Variants in TMTC1 observed in about 807,000 individuals in gnomAD.
TMTC1 encodes the protein transmembrane O-mannosyltransferase targeting cadherins 1.
TMTC1 carries 73 observed loss-of-function variants against 104.8 expected under a neutral mutation model. The ratio of observed to expected loss-of-function variants is 0.70; its 90% CI spans 0.58 to 0.85. The LOEUF is 0.85. TMTC1 is among the 40% of genes least tolerant of loss of function. The pLI is 0.00. For synonymous variants in TMTC1, 434 were observed against 428.7 expected, an observed-to-expected ratio of 1.01 and a Z score of -0.15; for missense variants, 1,035 against 1,096.1, an observed-to-expected ratio of 0.94 and a Z score of 0.79.
At chr12:29,572,625 C>A (rs1020575206) in intron 8 of TMTC1, among the ~76,000 whole-genome samples, 4 of 152,176 alleles carry the variant, frequency 2.6e-5, no homozygotes, top group Non-Finnish European at 4.4e-5. Context: ...GAGACACACA[C>A]AACCTTGCAA....
chr12:29,699,649 C>CTT (rs71444337), intron 5 of TMTC1, among the ~76,000 whole-genome samples: 201 of 86,866 alleles, frequency 2.3e-3, no homozygotes, highest in African/African-American at 5.0e-3. Flanking sequence ...TCATCTGGTG[C>CTT]TTTTTTTTTT....
intron 5 of TMTC1, among the ~76,000 whole-genome samples, chr12:29,653,662 CAG>C (rs1172172522): frequency 3.9e-5 from 6 of 152,164 alleles, no homozygotes; most frequent in Admixed American, 3.9e-4. Context: ...AGTTATTGGT[CAG>C]TCACAAAGAA....
In TMTC1 at chr12:29,709,210, T is replaced by C. The variant is rs555145740; in HGVS notation, c.938+42456A>G. ...AAAGTTTCAGAGATTGGCAACAGTGTTGCAGTGGGGTGATGTTGTCAGACT... is the reference window on the plus strand; with the variant it reads ...AAAGTTTCAGAGATTGGCAACAGTGCTGCAGTGGGGTGATGTTGTCAGACT... On this transcript the variant is annotated intron_variant, in intron 5 of 17. Transcript: ENST00000539277. 9.2e-5 allele frequency among the ~76,000 whole-genome samples: 14 copies of C among 152,316 alleles called. No homozygotes were observed. The South Asian group carries it at 2.9e-3, about 32-fold the overall frequency.
chr12:29,758,344 A>G (rs1192801083), intron 3 of TMTC1, among the ~76,000 whole-genome samples: 2 of 152,220 alleles, frequency 1.3e-5, no homozygotes, highest in South Asian at 2.1e-4. Context: ...AAAAGGAAAA[A>G]TTAAGCAAAT....
intron 5 of TMTC1, among the ~76,000 whole-genome samples, chr12:29,704,421 G>T (rs1045562459): frequency 6.6e-6 from 1 of 152,150 alleles, no homozygotes; most frequent in African/African-American, 2.4e-5. Context: ...TGCATCTTGG[G>T]GGCATAGGCA....
In TMTC1 at chr12:29,751,705, C is replaced by T. The variant is rs1265719628; in HGVS notation, c.899G>A (p.Gly300Glu). The T allele has an allele frequency of 6.2e-7, 1 of 1,614,108 alleles. No homozygotes were observed. Among genetic ancestry groups the T allele is most frequent in the African/African-American group, 1.3e-5 (1 of 75,010 alleles). Residue 300 changes from glycine to glutamate, a missense_variant, in exon 5 of 18, where the codon GGA becomes GAA. Transcript: ENST00000539277. ...SPLPPEPKSS[G>E]FPVSPRAVWS... ...CACAGCTCGTGGGGACACTGGGAAT[C>T]CACTGCTCTTGGGTTCTGGTGGCAG...
At chr12:29,520,554 C>T in intron 12 of TMTC1, 64 bp downstream of exon 12, 1 of 1,385,174 alleles carries the variant, frequency 7.2e-7, no homozygotes, top group South Asian at 1.2e-5. Flanking sequence ...ATTTGCCTTC[C>T]ATTTTGCTTG....
intron 5 of TMTC1, among the ~76,000 whole-genome samples, chr12:29,749,351 TTTC>T (rs1012879797): frequency 2.0e-5 from 3 of 152,164 alleles, no homozygotes; most frequent in Non-Finnish European, 2.9e-5. Context: ...TTTCCAACAC[TTTC>T]TTATCATCCA....
At chr12:29,609,205 A>G (rs570820693) in intron 6 of TMTC1, among the ~76,000 whole-genome samples, 1 of 152,280 alleles carries the variant, frequency 6.6e-6, no homozygotes, top group East Asian at 1.9e-4. Context: ...TAAGTATTGC[A>G]TAGTTATATT....
intron 5 of TMTC1, among the ~76,000 whole-genome samples, chr12:29,748,762 G>A (rs992954333): frequency 6.6e-6 from 1 of 152,186 alleles, no homozygotes; most frequent in Non-Finnish European, 1.5e-5. Flanking sequence ...GGAACTGGCT[G>A]ACACTGGTTT....
chr12:29,580,960 T>C (rs1475696749), intron 8 of TMTC1, among the ~76,000 whole-genome samples: 5 of 152,182 alleles, frequency 3.3e-5, no homozygotes, highest in Admixed American at 1.3e-4. Context: ...TACACAGCGT[T>C]TCTCAAATGC....
In TMTC1 at chr12:29,725,124, TCTC is replaced by T. The variant is rs1942351092; in HGVS notation, c.938+26539_938+26541del. Among the ~76,000 whole-genome samples the T allele has an allele frequency of 2.7e-5, 4 of 145,820 alleles. No homozygotes were observed. The South Asian group carries it at 6.7e-4, about 25-fold the overall frequency. On this transcript the variant is annotated intron_variant, in intron 5 of 17. Transcript: ENST00000539277. Reference sequence around the variant, plus strand: ...TAACCTCCTCATGGGTTCAAGCAATTCTCCTGCCTCAGCCTCCCGAATAGCTGG... The same window carrying T: ...TAACCTCCTCATGGGTTCAAGCAATTCTGCCTCAGCCTCCCGAATAGCTGG...
chr12:29,511,968 C>A, intron 17 of TMTC1, 75 bp downstream of exon 17: 1 of 1,355,302 alleles, frequency 7.4e-7, no homozygotes, highest in Non-Finnish European at 1.1e-6. Context: ...GTTCCTCAAT[C>A]CTTTAAGAAA....
At chr12:29,601,592 G>A (rs1257423744) in intron 7 of TMTC1, among the ~76,000 whole-genome samples, 2 of 151,976 alleles carry the variant, frequency 1.3e-5, no homozygotes, top group East Asian at 1.9e-4. Flanking sequence ...GTTCCTATCA[G>A]GGAAGCAATA....
chr12:29,516,410 C>G lies in TMTC1; in HGVS notation c.2246G>C (p.Gly749Ala). 1 of 1,614,068 alleles carries G rather than the reference C, an allele frequency of 6.2e-7. No individual in the cohort carries two copies. Among genetic ancestry groups the G allele is most frequent in the Non-Finnish European group, 8.5e-7 (1 of 1,179,992 alleles). The change falls in exon 15 of 18, where the codon GGA becomes GCA. Residue 749 changes from glycine (G) to alanine (A), a missense_variant. Gly to Ala is a moderately conservative substitution (Grantham distance 60). Transcript: ENST00000539277. ...MTNHIVSEETGCLECYRLLSA... is the reference protein window; with the variant it reads ...MTNHIVSEETACLECYRLLSA... ...CAAGAGGCGATAGCATTCAAGGCAT[C>G]CGGTCTCCTCTGACACAATGTGATT...
chr12:29,514,912 G>A (rs1230129942), intron 15 of TMTC1, among the ~76,000 whole-genome samples: 2 of 152,082 alleles, frequency 1.3e-5, no homozygotes, highest in East Asian at 3.9e-4. Flanking sequence ...TACTGGGGGG[G>A]CTGAGATGGG....
At chr12:29,723,233 C>T (rs1942288595) in intron 5 of TMTC1, among the ~76,000 whole-genome samples, 1 of 152,028 alleles carries the variant, frequency 6.6e-6, no homozygotes, top group African/African-American at 2.4e-5. Context: ...TCAATTCTCC[C>T]AACATTGATC....
chr12:29,501,641 T>C lies in TMTC1; in HGVS notation c.*5205A>G, dbSNP rs927222181. The C allele has an allele frequency of 6.6e-6, 1 of 152,144 alleles. No individual in the cohort carries two copies. Among genetic ancestry groups the C allele is most frequent in the Non-Finnish European group, 1.5e-5 (1 of 68,028 alleles). The allele number at this position is 152,144 out of a possible 1,614,324, so 9.4% of individuals were successfully genotyped here. On this transcript the variant is annotated 3_prime_UTR_variant, in exon 18 of 18. Transcript: ENST00000539277. Reference sequence around the variant, plus strand: ...GTTACATATATATATATACAACGTGTACTACTGAGAATGCAAAGAAACTAC... The same window carrying C: ...GTTACATATATATATATACAACGTGCACTACTGAGAATGCAAAGAAACTAC...
At position 29,640,097 on chromosome 12, in the gene TMTC1, G is replaced by A. The variant is rs191211717; in HGVS notation, c.939-6761C>T. 9.2e-5 allele frequency among the ~76,000 whole-genome samples: 14 copies of A among 152,158 alleles called. 1 individual carries two copies. The highest frequency in any genetic ancestry group is 1.5e-4 in the Non-Finnish European group (10 of 68,032). On this transcript the variant is annotated intron_variant, in intron 5 of 17. Coordinates refer to ENST00000539277, the MANE Select transcript of TMTC1 (RefSeq NM_001193451.2). ...GAACACTTGCTGCTTCAGCACCTGG[G>A]ACCCATAGAGATAGTGAGACTATTT... is the stretch of plus-strand genomic sequence containing the variant.
Sources: allele counts gnomAD v4.1 joint callset (sites outside exome capture counted in the v4.1 genomes callset), GRCh38; gene constraint gnomAD v4.1.1; transcripts MANE v1.5; gene names NCBI Gene and HGNC (gene_info 2026-07-23, HGNC 2026-07-21).